PRKAA2: variants seen among roughly 807,000 people sequenced by gnomAD.
PRKAA2 encodes the protein 5'-AMP-activated protein kinase catalytic subunit alpha-2.
A neutral mutation model predicts 56.3 loss-of-function variants in PRKAA2; 40 were observed. The ratio of observed to expected loss-of-function variants is 0.71; its 90% CI spans 0.55 to 0.92. PRKAA2 has a LOEUF of 0.92. Among genes scored for constraint, PRKAA2 ranks in the 40% least tolerant of loss-of-function variants. The probability of loss-of-function intolerance (pLI) is 0.00; values close to 1 mark genes in which losing one functional copy is unlikely to be tolerated. For missense variants in PRKAA2, 542 were observed against 686.9 expected, an observed-to-expected ratio of 0.79 and a Z score of 2.36; for synonymous variants, 214 against 234.2, an observed-to-expected ratio of 0.91 and a Z score of 0.79.
At position 56,695,995 on chromosome 1, in the gene PRKAA2, TTG is replaced by T; in HGVS notation, c.627_628del (p.Cys209TrpfsTer6). On this transcript the variant is annotated frameshift_variant, in exon 6 of 9. Transcript: ENST00000371244. LOFTEE classifies it high-confidence loss of function. ...SCGVILYALLCGTLPFDDEHV... is the reference protein window; with the variant it reads ...SCGVILYALLXGTLPFDDEHV... The stretch of plus-strand genomic sequence containing the variant: ...GTGGTGTTATCTTGTATGCTCTTCT[TTG>T]TGGCACCCTCCCATTTGATGATGAG... 1 of 1,611,906 alleles carries T rather than the reference TTG, an allele frequency of 6.2e-7. No homozygotes were observed. Among genetic ancestry groups the T allele is most frequent in the South Asian group, 1.1e-5 (1 of 90,904 alleles).
At chr1:56,700,026 T>A (rs1198040486) in intron 6 of PRKAA2, among the ~76,000 whole-genome samples, 1 of 152,226 alleles carries the variant, frequency 6.6e-6, no homozygotes, top group Non-Finnish European at 1.5e-5. Flanking sequence ...AATTTGTGGC[T>A]TTTATGACTA....
In PRKAA2 at chr1:56,692,552, A is replaced by G. The variant is rs756213549; in HGVS notation, c.475+50A>G. On this transcript the variant is annotated intron_variant, in intron 4 of 8. Transcript: ENST00000371244. ...AAAGGTACTAGCTACCTTTTAAAGC[A>G]TAACAACTCATTGAACTAAGAACTT... is the stretch of plus-strand genomic sequence containing the variant. 3.2e-6 allele frequency: 5 copies of G among 1,554,128 alleles called. No homozygotes were observed. In the South Asian group the frequency reaches 5.9e-5, roughly 18 times the overall value.
At chr1:56,689,071 C>G (rs565634169) in intron 2 of PRKAA2, among the ~76,000 whole-genome samples, 1 of 152,196 alleles carries the variant, frequency 6.6e-6, no homozygotes, top group Non-Finnish European at 1.5e-5. Context: ...CTGTGATATA[C>G]TCAGAAATGG....
At chr1:56,693,044 G>T (rs560077061) in intron 4 of PRKAA2, among the ~76,000 whole-genome samples, 3 of 152,200 alleles carry the variant, frequency 2.0e-5, no homozygotes, top group Admixed American at 6.5e-5. Context: ...AACACTTTCT[G>T]GGATAAACAT....
intron 1 of PRKAA2, among the ~76,000 whole-genome samples, chr1:56,669,501 C>T (rs1039581741): frequency 6.6e-6 from 1 of 151,838 alleles, no homozygotes; most frequent in Admixed American, 6.6e-5. Flanking sequence ...GGGTTTAAAC[C>T]CAGCCCTGCC....
At position 56,713,343 on chromosome 1, in the gene PRKAA2, G is replaced by T. The variant is rs1040597377; in HGVS notation, c.*5630G>T. 1 of 152,142 alleles carries T rather than the reference G, an allele frequency of 6.6e-6. No individual in the cohort carries two copies. The allele number at this position is 152,142 out of a possible 1,614,324, so 9.4% of individuals were successfully genotyped here. A position where few individuals can be genotyped will look rare whatever the true frequency, so the allele number is the denominator to read the frequency against. On this transcript the variant is annotated 3_prime_UTR_variant, in exon 9 of 9. Coordinates refer to ENST00000371244, the MANE Select transcript of PRKAA2 (RefSeq NM_006252.4). ...TTGCAAGCTAATGTTAATGTTTACTGCCAGCCTTGCATAGCAATGCCAGTT... is the reference window on the plus strand; with the variant it reads ...TTGCAAGCTAATGTTAATGTTTACTTCCAGCCTTGCATAGCAATGCCAGTT...
In PRKAA2 at chr1:56,708,958, G is replaced by A. The variant is rs1644351607; in HGVS notation, c.*1245G>A. The A allele has an allele frequency of 6.6e-6, 1 of 151,378 alleles. No individual in the cohort carries two copies. Among genetic ancestry groups the A allele is most frequent in the African/African-American group, 2.4e-5 (1 of 41,158 alleles). 9.4% of individuals were successfully genotyped at this position (151,378 alleles called of 1,614,324 possible). A position where few individuals can be genotyped will look rare whatever the true frequency, so the allele number is the denominator to read the frequency against. ...TTTTTTTGTTTGTTTGTTTTGCTTT[G>A]TGCAGGTTTTCTTTAAGATTAAAAA... On this transcript the variant is annotated 3_prime_UTR_variant, in exon 9 of 9. Transcript: ENST00000371244.
intron 1 of PRKAA2, among the ~76,000 whole-genome samples, chr1:56,648,631 C>T (rs186157089): frequency 1.5e-3 from 227 of 152,292 alleles, no homozygotes; most frequent in African/African-American, 5.0e-3. Flanking sequence ...AACTGCAACA[C>T]TTTCCCAAAA....
At chr1:56,645,605 C>A (rs1397641327) in intron 1 of PRKAA2, 124 bp downstream of exon 1, 3 of 846,804 alleles carry the variant, frequency 3.5e-6, no homozygotes, top group East Asian at 4.9e-5. Context: ...GGTCCCGGGT[C>A]GCGCGGAGCT....
Position 56,660,404 on chromosome 1 carries a change from C to T in PRKAA2, c.95-13977C>T, listed in dbSNP as rs188608405. On this transcript the variant is annotated intron_variant, in intron 1 of 8. Transcript: ENST00000371244. Reference sequence around the variant, plus strand: ...GTGTTATTTTCTTGATTTTTCAGCACTTCTTGATGACTAACCTTAGTATAT... The same window carrying T: ...GTGTTATTTTCTTGATTTTTCAGCATTTCTTGATGACTAACCTTAGTATAT... Among the ~76,000 whole-genome samples, 358 of 152,248 alleles carry T rather than the reference C, an allele frequency of 2.4e-3. 1 individual carries two copies. The highest frequency in any genetic ancestry group is 0.014 in the Middle Eastern group (4 of 292).
rs148826168 is a variant in PRKAA2, at chr1:56,713,609, T to TA, written c.*5897dup. 1.6e-4 allele frequency: 25 copies of TA among 152,222 alleles called. No individual in the cohort carries two copies. Among genetic ancestry groups the TA allele is most frequent in the African/African-American group, 6.0e-4 (25 of 41,544 alleles). The allele number at this position is 152,222 out of a possible 1,614,324, so 9.4% of individuals were successfully genotyped here. ...ATACGTAGAATTTTGACAAGGTTCA[T>TA]ACAGTGCATACAGTGTGACCTTTTC... On this transcript the variant is annotated 3_prime_UTR_variant, in exon 9 of 9. Transcript: ENST00000371244.
At position 56,674,496 on chromosome 1, in the gene PRKAA2, CT is replaced by C. The variant is rs768496743; in HGVS notation, c.213del (p.Arg72ValfsTer11). 6.5e-7 allele frequency: 1 copy of C among 1,543,862 alleles called. No individual in the cohort carries two copies. The highest frequency in any genetic ancestry group is 1.4e-5 in the African/African-American group (1 of 72,092). ...IKREIQNLKL[F>X]RHPHIIKLYQ... ...AACGAGAAATTCAAAATCTAAAACT[CT>C]TTCGTCATCCTCATATTATCAAACT... On this transcript the variant is annotated frameshift_variant, in exon 2 of 9. Transcript: ENST00000371244. LOFTEE classifies it high-confidence loss of function.
rs1366799809 is a variant in PRKAA2, at chr1:56,645,437, T to G, written c.50T>G (p.Val17Gly). The G allele has an allele frequency of 6.6e-7, 1 of 1,516,576 alleles. No homozygotes were observed. The highest frequency in any genetic ancestry group is 2.0e-5 in the Admixed American group (1 of 51,158). 93.9% of individuals were successfully genotyped at this position (1,516,576 alleles called of 1,614,324 possible). The change falls in exon 1 of 9, where the codon GTG becomes GGG. Residue 17 changes from valine (V) to glycine (G), a missense_variant. Physicochemically the swap from Val to Gly is moderately radical, Grantham distance 109 (BLOSUM62 -3). This residue lies in a region of PRKAA2 where 59 missense variants were observed against 53.9 expected (regional missense o/e 1.09). Transcript: ENST00000371244. Reference protein sequence around the residue: ...HDGRVKIGHYVLGDTLGVGTF... With the variant: ...HDGRVKIGHYGLGDTLGVGTF... ...GGGCGGGTGAAGATCGGACACTACG[T>G]GCTGGGCGACACGCTGGGCGTCGGC...
chr1:56,651,361 AT>A (rs1046472762), intron 1 of PRKAA2, among the ~76,000 whole-genome samples: 5 of 151,802 alleles, frequency 3.3e-5, no homozygotes, highest in East Asian at 1.9e-4. Flanking sequence ...TATGCACTTG[AT>A]TTTTTTTTAT....
At chr1:56,677,699 C>G (rs1261649759) in intron 2 of PRKAA2, among the ~76,000 whole-genome samples, 3 of 149,882 alleles carry the variant, frequency 2.0e-5, no homozygotes, top group African/African-American at 7.4e-5. Flanking sequence ...CTCTGTTGCC[C>G]AGGCTGGAGT....
intron 2 of PRKAA2, among the ~76,000 whole-genome samples, chr1:56,680,356 CA>C (rs1333214651): frequency 1.3e-5 from 2 of 151,496 alleles, no homozygotes; most frequent in Non-Finnish European, 2.9e-5. Flanking sequence ...TTTTTTAATT[CA>C]AAAAAATTTT....
intron 1 of PRKAA2, among the ~76,000 whole-genome samples, chr1:56,648,532 T>C (rs1569696632): frequency 6.6e-6 from 1 of 152,226 alleles, no homozygotes; most frequent in African/African-American, 2.4e-5. Flanking sequence ...TAAGTCTTTG[T>C]GTGGACATAT....
At chr1:56,683,759 G>A (rs1644172502) in intron 2 of PRKAA2, among the ~76,000 whole-genome samples, 1 of 152,102 alleles carries the variant, frequency 6.6e-6, no homozygotes, top group Admixed American at 6.6e-5. Context: ...ACAAAGGAAA[G>A]TAGAAATTCC....
intron 6 of PRKAA2, among the ~76,000 whole-genome samples, chr1:56,697,717 C>T (rs1046893437): frequency 6.6e-6 from 1 of 151,924 alleles, no homozygotes; most frequent in Non-Finnish European, 1.5e-5. Flanking sequence ...AATCCCAACA[C>T]TTTGCGAGGC....
Sources: gnomAD v4.1 joint callset for allele counts (sites outside exome capture counted in the v4.1 genomes callset) on GRCh38, gnomAD v4.1.1 for gene constraint, gnomAD v4.1.1 regional missense constraint, MANE v1.5 for transcripts, NCBI Gene and HGNC (gene_info 2026-07-23, HGNC 2026-07-21) for gene names.